KLHDC10: variants seen among roughly 807,000 people sequenced by gnomAD.
The protein encoded by KLHDC10 is kelch domain containing 10.
KLHDC10 carries 24 observed loss-of-function variants against 56.1 expected under a neutral mutation model. The ratio of observed to expected loss-of-function variants is 0.43; its 90% confidence interval spans 0.31 to 0.60. KLHDC10 has a LOEUF of 0.60. Among genes scored for constraint, KLHDC10 ranks in the 20% least tolerant of loss-of-function variants. KLHDC10 has a pLI of 0.11. For synonymous variants in KLHDC10, 188 were observed against 207.1 expected (o/e 0.91, Z 0.79); for missense variants, 349 against 567.0 (o/e 0.62, Z 3.91).
At chr7:130,079,550 G>A (rs910646761) in intron 1 of KLHDC10, among the ~76,000 whole-genome samples, 5 of 151,988 alleles carry the variant, frequency 3.3e-5, no homozygotes, top group Non-Finnish European at 7.4e-5. Flanking sequence ...TTACTTTGTC[G>A]TGGTGTATTA....
intron 5 of KLHDC10, among the ~76,000 whole-genome samples, 171 bp from the exon 6 acceptor site, chr7:130,124,280 C>T (rs570077253): frequency 2.2e-4 from 34 of 152,094 alleles, no homozygotes; most frequent in Non-Finnish European, 3.8e-4. Context: ...TATACTAATC[C>T]ATTTTATGTA....
chr7:130,116,775 C>G lies in KLHDC10; in HGVS notation c.475+109C>G. ...TTATAACACTATAATGTGATTTCGC[C>G]CTGTGGGTGGATAGGCTTTTTACTA... is the stretch of plus-strand genomic sequence containing the variant. On this transcript the variant is annotated intron_variant, in intron 3 of 9. Coordinates refer to ENST00000335420, the MANE Select transcript of KLHDC10 (RefSeq NM_014997.4). The surrounding 1 kb of genome is among the most constrained non-coding windows in gnomAD (Gnocchi z 4.8). 2.2e-6 allele frequency: 2 copies of G among 922,454 alleles called. No homozygotes were observed. The highest frequency in any genetic ancestry group is 3.4e-6 in the Non-Finnish European group (2 of 587,726). 57.1% of individuals were successfully genotyped at this position (922,454 alleles called of 1,614,324 possible).
At chr7:130,128,889 A>AAAAAAATATATAT in intron 8 of KLHDC10, among the ~76,000 whole-genome samples, 7 of 66,952 alleles carry the variant, frequency 1.0e-4, no homozygotes, top group Admixed American at 3.0e-4. Flanking sequence ...AAAAAAAAAA[A>AAAAAAATATATAT]ATATATATAT....
At chr7:130,101,430 C>T (rs982892771) in intron 2 of KLHDC10, among the ~76,000 whole-genome samples, 1 of 152,118 alleles carries the variant, frequency 6.6e-6, no homozygotes, top group Non-Finnish European at 1.5e-5. Flanking sequence ...GGGCTCTTTT[C>T]TTAAACTCTA....
At chr7:130,098,021 G>GT (rs1341116209) in intron 2 of KLHDC10, among the ~76,000 whole-genome samples, 6,190 of 143,468 alleles carry the variant, frequency 0.043, 277 homozygotes, top group African/African-American at 0.12. Context: ...TTTAACTGGA[G>GT]TTTTTTTTTT....
At chr7:130,107,907 C>G (rs1170669967) in intron 2 of KLHDC10, among the ~76,000 whole-genome samples, 3 of 147,000 alleles carry the variant, frequency 2.0e-5, no homozygotes, top group Non-Finnish European at 4.5e-5. Flanking sequence ...CCCAGCTACT[C>G]TGGAGGCTGA....
intron 2 of KLHDC10, among the ~76,000 whole-genome samples, chr7:130,097,609 C>T (rs1022766669): frequency 1.3e-5 from 2 of 151,960 alleles, no homozygotes; most frequent in African/African-American, 4.8e-5. Context: ...TTATTATAAA[C>T]ACAACAATTA....
At position 130,121,932 on chromosome 7, in the gene KLHDC10, T is replaced by C; in HGVS notation, c.631-122T>C. 3.8e-6 allele frequency: 3 copies of C among 789,420 alleles called. No homozygotes were observed. The South Asian group carries it at 6.9e-5, about 18-fold the overall frequency. The allele number at this position is 789,420 out of a possible 1,614,324, so 48.9% of individuals were successfully genotyped here. A position where few individuals can be genotyped will look rare whatever the true frequency, so the allele number is the denominator to read the frequency against. On this transcript the variant is annotated intron_variant, in intron 4 of 9. Coordinates refer to ENST00000335420, the MANE Select transcript of KLHDC10 (RefSeq NM_014997.4). ...AATCTTTATTCTTTTAAGAGTCTGATACATTAAAAGATTAAAATACAAGAG... is the reference window on the plus strand; with the variant it reads ...AATCTTTATTCTTTTAAGAGTCTGACACATTAAAAGATTAAAATACAAGAG...
Sources: gnomAD v4.1 joint callset for allele counts (sites outside exome capture counted in the v4.1 genomes callset) on GRCh38, gnomAD v4.1.1 for gene constraint, Gnocchi (gnomAD v3.1) non-coding constraint, MANE v1.5 for transcripts, NCBI Gene and HGNC (gene_info 2026-07-23, HGNC 2026-07-21) for gene names.